The following PCCA variants were observed in gnomAD, a reference collection of about 807,000 sequenced individuals.
PCCA encodes propionyl-CoA carboxylase alpha chain, mitochondrial.
Under a neutral mutation model 101.3 loss-of-function variants are expected in PCCA, and 74 were observed. The observed-to-expected ratio is 0.73, with a 90% CI of 0.61 to 0.89. The LOEUF (loss-of-function observed/expected upper bound fraction) is 0.89. Among genes scored for constraint, PCCA ranks in the 40% least tolerant of loss-of-function variants. PCCA has a pLI of 0.00. For missense variants in PCCA, 891 were observed against 907.0 expected (o/e 0.98, Z 0.23); for synonymous variants, 294 against 313.6 (o/e 0.94, Z 0.66).
At chr13:100,476,180 A>G (rs1341439702) in intron 21 of PCCA, among the ~76,000 whole-genome samples, 1 of 152,242 alleles carries the variant, frequency 6.6e-6, no homozygotes, top group Non-Finnish European at 1.5e-5. Context: ...CATAGAAGAG[A>G]AAATTAATGC....
chr13:100,199,298 G>A (rs2039678), intron 6 of PCCA, among the ~76,000 whole-genome samples: 48,656 of 151,426 alleles, frequency 0.32, 8,651 homozygotes, highest in East Asian at 0.72. Flanking sequence ...TTTTTTTTGC[G>A]TTTAAAAATA....
At position 100,134,082 on chromosome 13, in the gene PCCA, G is replaced by T. The variant is rs576274486; in HGVS notation, c.301-20897G>T. 6.8e-4 allele frequency among the ~76,000 whole-genome samples: 104 copies of T among 152,210 alleles called. 1 individual carries two copies. The highest frequency in any genetic ancestry group is 2.4e-3 in the African/African-American group (99 of 41,532). ...CTTAGCTTGCAGATGGCCTGTTGTGGTACTTCACCTTGTGATCATGCGAGT... is the reference window on the plus strand; with the variant it reads ...CTTAGCTTGCAGATGGCCTGTTGTGTTACTTCACCTTGTGATCATGCGAGT... On this transcript the variant is annotated intron_variant, in intron 4 of 23. Coordinates refer to ENST00000376285, the MANE Select transcript of PCCA (RefSeq NM_000282.4).
At chr13:100,529,971 G>A in intron 23 of PCCA, 127 bp from the exon 24 acceptor site, 2 of 765,502 alleles carry the variant, frequency 2.6e-6, no homozygotes. Flanking sequence ...GGGGTGGGGT[G>A]GCTTGTCCCT....
intron 12 of PCCA, among the ~76,000 whole-genome samples, chr13:100,279,599 C>T (rs942932557): frequency 1.3e-5 from 2 of 152,120 alleles, no homozygotes; most frequent in East Asian, 1.9e-4. Context: ...CCTCAGCCTC[C>T]GGAGTAGCTG....
At chr13:100,123,714 T>G (rs980291983) in intron 4 of PCCA, among the ~76,000 whole-genome samples, 7 of 152,200 alleles carry the variant, frequency 4.6e-5, no homozygotes, top group African/African-American at 1.4e-4. Context: ...GCCTAACATA[T>G]TAAAATACAT....
chr13:100,499,342 T>A (rs1566463315), intron 21 of PCCA, among the ~76,000 whole-genome samples: 1 of 152,254 alleles, frequency 6.6e-6, no homozygotes, highest in Non-Finnish European at 1.5e-5. Context: ...AGAAATGGCT[T>A]ATCTGCACAT....
At chr13:100,385,966 G>A (rs1349580105) in intron 19 of PCCA, among the ~76,000 whole-genome samples, 1 of 152,186 alleles carries the variant, frequency 6.6e-6, no homozygotes, top group Non-Finnish European at 1.5e-5. Context: ...AGTATAAATG[G>A]ATATAACAAC....
At chr13:100,261,279 T>A (rs903493365) in intron 9 of PCCA, among the ~76,000 whole-genome samples, 1 of 152,182 alleles carries the variant, frequency 6.6e-6, no homozygotes, top group Non-Finnish European at 1.5e-5. Flanking sequence ...GAATTAAATT[T>A]TATATGCTGA....
chr13:100,224,230 C>T (rs1171415981), intron 7 of PCCA, among the ~76,000 whole-genome samples: 7 of 152,238 alleles, frequency 4.6e-5, no homozygotes, highest in Non-Finnish European at 7.3e-5. Context: ...AGAAATCGAG[C>T]GCAGTGCTGG....
intron 1 of PCCA, among the ~76,000 whole-genome samples, chr13:100,102,674 G>T (rs944969443): frequency 6.6e-6 from 1 of 152,150 alleles, no homozygotes; most frequent in African/African-American, 2.4e-5. Flanking sequence ...TCTGGAGATC[G>T]TTTTGATGCT....
In PCCA at chr13:100,281,362, G is replaced by A. The variant is rs147060855; in HGVS notation, c.1065+8016G>A. Among the ~76,000 whole-genome samples, 989 of 152,280 alleles carry A rather than the reference G, an allele frequency of 6.5e-3. 14 individuals carry two copies. The highest frequency in any genetic ancestry group is 0.022 in the African/African-American group (930 of 41,546). On this transcript the variant is annotated intron_variant, in intron 12 of 23. Transcript: ENST00000376285. The stretch of plus-strand genomic sequence containing the variant: ...GTTATGGCCACAGTGCATGATAAGT[G>A]CTTAAGATGGAAAAGACATTAAATG...
At chr13:100,400,630 C>CTTTTTTTTTTTTTTTT (rs1281449669) in intron 19 of PCCA, among the ~76,000 whole-genome samples, 79 of 90,922 alleles carry the variant, frequency 8.7e-4, no homozygotes, top group Non-Finnish European at 1.4e-3. Flanking sequence ...CTTTTTAGTT[C>CTTTTTTTTTTTTTTTT]TTTTTTTTTT....
At chr13:100,432,070 A>G (rs2079593604) in intron 20 of PCCA, among the ~76,000 whole-genome samples, 1 of 151,640 alleles carries the variant, frequency 6.6e-6, no homozygotes, top group Non-Finnish European at 1.5e-5. Context: ...ATGGTGGTGC[A>G]CACCTGCAGT....
intron 21 of PCCA, among the ~76,000 whole-genome samples, chr13:100,452,271 C>T (rs938659600): frequency 6.6e-5 from 10 of 151,824 alleles, no homozygotes; most frequent in African/African-American, 2.4e-4. Flanking sequence ...GTCTCTGTCT[C>T]TGTGTCCCCA....
chr13:100,270,745 A>T (rs2063257205), intron 11 of PCCA, among the ~76,000 whole-genome samples: 1 of 152,148 alleles, frequency 6.6e-6, no homozygotes, highest in Admixed American at 6.5e-5. Context: ...ATGGTGGCTC[A>T]CACCTGTAAT....
intron 19 of PCCA, among the ~76,000 whole-genome samples, chr13:100,408,731 A>G (rs982265427): frequency 3.3e-5 from 5 of 152,186 alleles, no homozygotes; most frequent in Admixed American, 3.3e-4. Context: ...GTAAAACAAG[A>G]TGGAAGCCTG....
At chr13:100,521,056 T>C (rs1399783306) in intron 22 of PCCA, among the ~76,000 whole-genome samples, 1 of 152,222 alleles carries the variant, frequency 6.6e-6, no homozygotes, top group Non-Finnish European at 1.5e-5. Context: ...CCAGGCTAAT[T>C]TCCAAAGGTA....
chr13:100,348,920 T>TTTCTTTCCTTCCTTCCTTCCTTCC (rs1555429132), intron 18 of PCCA, among the ~76,000 whole-genome samples: 6 of 89,090 alleles, frequency 6.7e-5, no homozygotes, highest in South Asian at 7.2e-4. Flanking sequence ...CTTTCTTTTC[T>TTTCTTTCCTTCCTTCCTTCCTTCC]TTTCTTTTCT....
At chr13:100,098,040 A>G (rs7326971) in intron 1 of PCCA, among the ~76,000 whole-genome samples, 74,301 of 151,152 alleles carry the variant, frequency 0.49, 19,808 homozygotes, top group East Asian at 0.71. Flanking sequence ...AAAAAGTACA[A>G]TGAAGCTAGG....
Sources: gnomAD v4.1 joint callset for allele counts (sites outside exome capture counted in the v4.1 genomes callset) on GRCh38, gnomAD v4.1.1 for gene constraint, MANE v1.5 for transcripts, NCBI Gene and HGNC (gene_info 2026-07-23, HGNC 2026-07-21) for gene names.